XKR9: variants seen among roughly 807,000 people sequenced by gnomAD.
The protein encoded by XKR9 is XK-related protein 9.
A neutral mutation model predicts 32.0 loss-of-function variants in XKR9; 32 were observed. The observed-to-expected ratio is 1.00, with a 90% CI of 0.76 to 1.34. XKR9 has a LOEUF of 1.34. XKR9 is among the 40% of genes most tolerant of loss of function. The pLI is 0.00. For missense variants in XKR9, 546 were observed against 429.7 expected (o/e 1.27, Z -2.39); for synonymous variants, 168 against 143.4 (o/e 1.17, Z -1.22).
At chr8:70,892,835 C>T in the XKR9 span, among the ~76,000 whole-genome samples, 7 of 152,202 alleles carry the variant, frequency 4.6e-5, no homozygotes, top group East Asian at 7.7e-4. Context: ...GGGGTTGAAT[C>T]TATTTGAGGA....
the XKR9 span, among the ~76,000 whole-genome samples, chr8:70,808,076 C>G: frequency 1.3e-5 from 2 of 152,092 alleles, no homozygotes; most frequent in African/African-American, 2.4e-5. Flanking sequence ...TCTCTTAAAC[C>G]ACAGCGCAAT....
At chr8:70,815,288 T>C in the XKR9 span, among the ~76,000 whole-genome samples, 1 of 152,026 alleles carries the variant, frequency 6.6e-6, no homozygotes, top group African/African-American at 2.4e-5. Flanking sequence ...GCCTAGTACT[T>C]ATTAGTTGTT....
intron 4 of XKR9, among the ~76,000 whole-genome samples, chr8:70,731,859 A>G (rs1436095125): frequency 6.6e-6 from 1 of 152,190 alleles, no homozygotes; most frequent in Non-Finnish European, 1.5e-5. Context: ...CCCTCCACAT[A>G]TACAAACATA....
At chr8:70,865,123 A>T in the XKR9 span, among the ~76,000 whole-genome samples, 1 of 152,164 alleles carries the variant, frequency 6.6e-6, no homozygotes, top group Admixed American at 6.5e-5. Flanking sequence ...TACCCTGGAA[A>T]GGGGGGTTGA....
At chr8:70,750,770 A>G (rs1182148186) in intron 2 of XKR9, among the ~76,000 whole-genome samples, 1 of 152,198 alleles carries the variant, frequency 6.6e-6, no homozygotes, top group Non-Finnish European at 1.5e-5. Context: ...CATTTTCATT[A>G]CCTACAAAAA....
the XKR9 span, among the ~76,000 whole-genome samples, chr8:71,049,582 C>G: frequency 6.6e-6 from 1 of 152,150 alleles, no homozygotes; most frequent in East Asian, 1.9e-4. Flanking sequence ...GTCATCAGAG[C>G]TCTGTTAACA....
Position 70,776,919 on chromosome 8 carries a change from T to TCTCTCTCTCTCTCTCTCTCTCTC in XKR9, n.353-12420_353-12419insCTCTCTCTCTCTCTCTCTCTCTC, listed in dbSNP as rs1466163794. On this transcript the variant is annotated intron_variant and non_coding_transcript_variant, in intron 2 of 3. Transcript: ENST00000520273. The stretch of plus-strand genomic sequence containing the variant: ...ACCTTGCATTTAGCAGGTTTTCTCT[T>TCTCTCTCTCTCTCTCTCTCTCTC]TCTTTCTCTCTCTCTCTCTCTCTCT... 3.0e-4 allele frequency among the ~76,000 whole-genome samples: 21 copies of TCTCTCTCTCTCTCTCTCTCTCTC among 70,462 alleles called. 2 individuals are homozygous for TCTCTCTCTCTCTCTCTCTCTCTC. The highest frequency in any genetic ancestry group is 4.3e-4 in the Non-Finnish European group (17 of 39,622). The allele number at this position is 70,462 out of a possible 152,430, so 46.2% of individuals were successfully genotyped here. A position where few individuals can be genotyped will look rare whatever the true frequency, so the allele number is the denominator to read the frequency against.
At chr8:70,925,146 G>T in the XKR9 span, among the ~76,000 whole-genome samples, 1 of 152,146 alleles carries the variant, frequency 6.6e-6, no homozygotes, top group Non-Finnish European at 1.5e-5. Flanking sequence ...AGGTTCTGCT[G>T]TGAGATTCTT....
the XKR9 span, among the ~76,000 whole-genome samples, chr8:70,945,027 A>G: frequency 2.0e-5 from 3 of 152,190 alleles, no homozygotes; most frequent in Non-Finnish European, 2.9e-5. Flanking sequence ...ACAAGAGAAA[A>G]TACCTCCCAG....
the XKR9 span, among the ~76,000 whole-genome samples, chr8:70,810,151 A>C: frequency 4.6e-5 from 7 of 152,332 alleles, no homozygotes; most frequent in South Asian, 1.4e-3. Context: ...TTGTTAAAGA[A>C]AATAATTTTC....
intron 2 of XKR9, among the ~76,000 whole-genome samples, chr8:70,785,937 C>T (rs1200997138): frequency 6.6e-6 from 1 of 151,934 alleles, no homozygotes; most frequent in African/African-American, 2.4e-5. Flanking sequence ...AGTCCTTCCA[C>T]CTCAGCCTCC....
intron 3 of XKR9, among the ~76,000 whole-genome samples, chr8:70,686,304 C>A (rs911240562): frequency 6.8e-6 from 1 of 147,000 alleles, no homozygotes; most frequent in Admixed American, 6.8e-5. Context: ...TGCAGTGGTG[C>A]GGTCACAGGT....
At chr8:70,829,119 T>C in the XKR9 span, among the ~76,000 whole-genome samples, 1 of 152,292 alleles carries the variant, frequency 6.6e-6, no homozygotes, top group Admixed American at 6.5e-5. Context: ...ATCTTTTAAA[T>C]AAAAAGAGTG....
At chr8:70,995,602 C>G in the XKR9 span, among the ~76,000 whole-genome samples, 21 of 152,298 alleles carry the variant, frequency 1.4e-4, no homozygotes, top group African/African-American at 3.1e-4. Context: ...TACTTGGTAT[C>G]TCTCCATTGA....
the XKR9 span, among the ~76,000 whole-genome samples, chr8:70,812,806 T>C: frequency 5.9e-5 from 9 of 152,242 alleles, no homozygotes; most frequent in East Asian, 9.7e-4. Context: ...TACAAACAAA[T>C]GGAAGAACAT....
chr8:71,053,032 T>G, the XKR9 span, among the ~76,000 whole-genome samples: 1 of 152,184 alleles, frequency 6.6e-6, no homozygotes, highest in Non-Finnish European at 1.5e-5. Context: ...GGGGTTATGT[T>G]TAACTTTAAT....
At chr8:70,911,870 A>G in the XKR9 span, among the ~76,000 whole-genome samples, 2 of 152,152 alleles carry the variant, frequency 1.3e-5, no homozygotes, top group African/African-American at 4.8e-5. Flanking sequence ...ATAGGATGAC[A>G]ATGACCACAC....
the XKR9 span, among the ~76,000 whole-genome samples, chr8:70,933,125 T>A: frequency 6.6e-6 from 1 of 152,118 alleles, no homozygotes; most frequent in South Asian, 2.1e-4. Context: ...GTGAGGATAC[T>A]GTAAAGGAGA....
intron 4 of XKR9, among the ~76,000 whole-genome samples, chr8:70,726,067 A>G (rs1452418369): frequency 6.6e-6 from 1 of 152,244 alleles, no homozygotes; most frequent in Non-Finnish European, 1.5e-5. Flanking sequence ...GGCACTAAGA[A>G]GGACAAGGTA....
Sources: gnomAD v4.1 joint callset for allele counts (sites outside exome capture counted in the v4.1 genomes callset) on GRCh38, gnomAD v4.1.1 for gene constraint, MANE v1.5 for transcripts, NCBI Gene and HGNC (gene_info 2026-07-23, HGNC 2026-07-21) for gene names.